Variants in PTPRD observed in about 807,000 individuals in gnomAD.
PTPRD encodes the protein protein tyrosine phosphatase receptor type D.
In PTPRD, 34 loss-of-function variants were observed where a neutral mutation model predicts 214.5. The observed-to-expected ratio is 0.16, with a 90% CI of 0.12 to 0.21. The LOEUF (loss-of-function observed/expected upper bound fraction) is 0.21. PTPRD is among the 10% of genes least tolerant of loss of function. The probability of loss-of-function intolerance (pLI) is 1.00; values close to 1 mark genes in which losing one functional copy is unlikely to be tolerated. For missense variants in PTPRD, 2,545 were observed against 2,398.7 expected, an observed-to-expected ratio of 1.06 and a Z score of -1.27; for synonymous variants, 1,128 against 845.7, an observed-to-expected ratio of 1.33 and a Z score of -5.79.
At chr9:8,659,361 C>T (rs2096983165) in intron 12 of PTPRD, among the ~76,000 whole-genome samples, 1 of 152,202 alleles carries the variant, frequency 6.6e-6, no homozygotes, top group South Asian at 2.1e-4. Context: ...GACAAGGCAA[C>T]AATTCCATAT....
At chr9:9,463,169 G>T (rs139636692) in intron 8 of PTPRD, among the ~76,000 whole-genome samples, 2 of 152,236 alleles carry the variant, frequency 1.3e-5, no homozygotes, top group African/African-American at 4.8e-5. Context: ...GGCTCTCCCA[G>T]TTGTGAGGTC....
At chr9:10,385,435 T>C (rs1442875274) in intron 2 of PTPRD, among the ~76,000 whole-genome samples, 1 of 151,816 alleles carries the variant, frequency 6.6e-6, no homozygotes, top group East Asian at 1.9e-4. Context: ...CATTCATTTA[T>C]TCAGCAAAAA....
chr9:8,412,458 A>G (rs909893517), intron 35 of PTPRD, among the ~76,000 whole-genome samples: 4 of 152,214 alleles, frequency 2.6e-5, no homozygotes, highest in African/African-American at 9.7e-5. Flanking sequence ...TTCCATGGAT[A>G]ACAAGGTCCC....
intron 11 of PTPRD, among the ~76,000 whole-genome samples, chr9:8,759,389 C>A (rs565691228): frequency 3.9e-5 from 6 of 151,928 alleles, no homozygotes; most frequent in Non-Finnish European, 7.4e-5. Context: ...TCTATTGTGT[C>A]TTGGAGGAGG....
At chr9:8,848,531 G>C (rs1236514661) in intron 11 of PTPRD, among the ~76,000 whole-genome samples, 1 of 143,438 alleles carries the variant, frequency 7.0e-6, no homozygotes, top group Non-Finnish European at 1.5e-5. Flanking sequence ...TTTTGGTAGA[G>C]ACAGGGTCTT....
At chr9:10,426,420 T>A (rs1046500028) in intron 2 of PTPRD, among the ~76,000 whole-genome samples, 1 of 152,030 alleles carries the variant, frequency 6.6e-6, no homozygotes, top group African/African-American at 2.4e-5. Context: ...CTTGTATGTA[T>A]AATTCTACAT....
At chr9:8,704,777 C>T (rs1224464527) in intron 12 of PTPRD, among the ~76,000 whole-genome samples, 1 of 134,168 alleles carries the variant, frequency 7.5e-6, no homozygotes, top group Non-Finnish European at 1.6e-5. Flanking sequence ...AAAAATTAGC[C>T]GGGTGTGGTG....
intron 34 of PTPRD, among the ~76,000 whole-genome samples, chr9:8,449,129 A>C (rs2133411497): frequency 6.6e-6 from 1 of 152,318 alleles, no homozygotes; most frequent in Middle Eastern, 3.4e-3. Flanking sequence ...TCTTTATTTT[A>C]AGAAACAAGT....
At chr9:9,120,697 T>C (rs1190941650) in intron 10 of PTPRD, among the ~76,000 whole-genome samples, 1 of 152,166 alleles carries the variant, frequency 6.6e-6, no homozygotes, top group African/African-American at 2.4e-5. Flanking sequence ...ACTGAGTAGA[T>C]TTGAAGTAGC....
chr9:8,494,670 A>C (rs1232701989), intron 26 of PTPRD, among the ~76,000 whole-genome samples: 1 of 152,232 alleles, frequency 6.6e-6, no homozygotes. Flanking sequence ...TATGTTTCTT[A>C]TCATGAAATT....
At chr9:8,875,716 T>G (rs899510560) in intron 11 of PTPRD, among the ~76,000 whole-genome samples, 3 of 152,160 alleles carry the variant, frequency 2.0e-5, no homozygotes, top group African/African-American at 7.2e-5. Context: ...ATGCTAAACA[T>G]CTACAATGTA....
chr9:10,397,546 C>A (rs191586704), intron 2 of PTPRD, among the ~76,000 whole-genome samples: 2 of 152,086 alleles, frequency 1.3e-5, no homozygotes, highest in Admixed American at 1.3e-4. Flanking sequence ...CATGCACTGA[C>A]AACAAACAGC....
At chr9:10,320,496 C>T (rs552360806) in intron 3 of PTPRD, among the ~76,000 whole-genome samples, 16 of 151,908 alleles carry the variant, frequency 1.1e-4, no homozygotes, top group African/African-American at 3.9e-4. Flanking sequence ...TTTGCAAAAA[C>T]GAATGTATCT....
intron 33 of PTPRD, among the ~76,000 whole-genome samples, chr9:8,454,001 T>TTTCTA (rs1345498239): frequency 6.6e-6 from 1 of 152,186 alleles, no homozygotes; most frequent in African/African-American, 2.4e-5. Flanking sequence ...AGATATGAGT[T>TTTCTA]AGAAAGCTAG....
At chr9:9,370,111 T>C (rs60735613) in intron 9 of PTPRD, among the ~76,000 whole-genome samples, 7,697 of 152,146 alleles carry the variant, frequency 0.051, 636 homozygotes, top group African/African-American at 0.17. Context: ...TTTCGTTCCA[T>C]ATGAACTTTA....
intron 3 of PTPRD, among the ~76,000 whole-genome samples, chr9:10,111,229 C>CTTTTTTTTTTT (rs34045121): frequency 1.4e-5 from 1 of 72,152 alleles, no homozygotes; most frequent in Non-Finnish European, 2.5e-5. Flanking sequence ...AGTTTAGTTT[C>CTTTTTTTTTTT]TTTTTTTTTT....
intron 3 of PTPRD, among the ~76,000 whole-genome samples, chr9:10,139,331 A>C (rs373671492): frequency 6.6e-6 from 1 of 152,074 alleles, no homozygotes; most frequent in South Asian, 2.1e-4. Flanking sequence ...GGAGATAAAA[A>C]AAACTCTACA....
chr9:9,790,003 C>T (rs2098956251), intron 5 of PTPRD, among the ~76,000 whole-genome samples: 1 of 151,904 alleles, frequency 6.6e-6, no homozygotes. Flanking sequence ...ACTAAAAGAA[C>T]ACACATAATT....
intron 8 of PTPRD, among the ~76,000 whole-genome samples, chr9:9,417,268 TA>T (rs1237338527): frequency 1.3e-4 from 20 of 152,286 alleles, no homozygotes; most frequent in Admixed American, 1.3e-4. Context: ...ATTAGAGTTT[TA>T]ATCTTAAAGT....
Sources: gnomAD v4.1 joint callset for allele counts (sites outside exome capture counted in the v4.1 genomes callset) on GRCh38, gnomAD v4.1.1 for gene constraint, MANE v1.5 for transcripts, NCBI Gene and HGNC (gene_info 2026-07-23, HGNC 2026-07-21) for gene names.